The following NLGN1 variants were observed in gnomAD, a reference collection of about 807,000 sequenced individuals.
NLGN1 encodes neuroligin 1.
Under a neutral mutation model 65.5 loss-of-function variants are expected in NLGN1, and 12 were observed. The ratio of observed to expected loss-of-function variants is 0.18; its 90% CI spans 0.12 to 0.30. The LOEUF (loss-of-function observed/expected upper bound fraction) is 0.30. Ranked by LOEUF, NLGN1 falls within the 10% of genes least tolerant of loss-of-function variation. The pLI is 1.00. For synonymous variants in NLGN1, 350 were observed against 359.5 expected (o/e 0.97, Z 0.30); for missense variants, 750 against 1,007.1 (o/e 0.74, Z 3.46).
At chr3:173,639,494 T>C (rs1757081107) in intron 3 of NLGN1, among the ~76,000 whole-genome samples, 1 of 152,186 alleles carries the variant, frequency 6.6e-6, no homozygotes, top group South Asian at 2.1e-4. Flanking sequence ...CATCCAGTCA[T>C]AGGGAATAGC....
chr3:173,411,462 A>G (rs1482478361), intron 1 of NLGN1, among the ~76,000 whole-genome samples: 1 of 152,084 alleles, frequency 6.6e-6, no homozygotes. Context: ...AATCATGGCT[A>G]TGTAGGCCCC....
chr3:173,486,480 G>C (rs1728201125), intron 2 of NLGN1, among the ~76,000 whole-genome samples: 1 of 152,140 alleles, frequency 6.6e-6, no homozygotes, highest in Admixed American at 6.6e-5. Context: ...TATCAGTCTA[G>C]GGATTTGGAG....
In NLGN1 at chr3:174,255,349, G is replaced by C. The variant is rs555038648; in HGVS notation, c.647-19966G>C. Among the ~76,000 whole-genome samples the C allele has an allele frequency of 6.8e-5, 10 of 147,116 alleles. No homozygotes were observed. In the South Asian group the frequency reaches 2.2e-3, roughly 32 times the overall value. ...TACTCAGGAGGCTGAGGCAGGAGAA[G>C]GCCATGAACCTGGGAGGCGGAGCTT... is the stretch of plus-strand genomic sequence containing the variant. On this transcript the variant is annotated intron_variant, in intron 4 of 6. Coordinates refer to ENST00000457714, the Ensembl canonical transcript of NLGN1.
intron 3 of NLGN1, among the ~76,000 whole-genome samples, chr3:173,738,422 A>G (rs1045956639): frequency 2.0e-5 from 3 of 152,036 alleles, no homozygotes; most frequent in Admixed American, 6.6e-5. Flanking sequence ...AATTTTGTGC[A>G]TGGTGTGAGG....
intron 3 of NLGN1, among the ~76,000 whole-genome samples, chr3:173,614,092 T>G (rs1752700302): frequency 6.6e-6 from 1 of 151,982 alleles, no homozygotes; most frequent in African/African-American, 2.4e-5. Flanking sequence ...CATCTGCCTT[T>G]TCATCTTACA....
At chr3:174,169,433 T>C (rs367824910) in intron 4 of NLGN1, among the ~76,000 whole-genome samples, 1 of 151,852 alleles carries the variant, frequency 6.6e-6, no homozygotes, top group East Asian at 2.0e-4. Context: ...AGAGTCCCTC[T>C]GTACCAAGAT....
At chr3:174,045,330 CT>C (rs1414556565) in intron 4 of NLGN1, among the ~76,000 whole-genome samples, 1 of 152,180 alleles carries the variant, frequency 6.6e-6, no homozygotes, top group Admixed American at 6.5e-5. Context: ...ACATGTCCTT[CT>C]TCACATGACA....
chr3:173,444,233 C>G (rs1467648405), intron 2 of NLGN1, among the ~76,000 whole-genome samples: 2 of 152,152 alleles, frequency 1.3e-5, no homozygotes, highest in Non-Finnish European at 2.9e-5. Context: ...CATAAAATCA[C>G]TTTCATATTT....
At chr3:173,519,653 T>G (rs1734430400) in intron 2 of NLGN1, among the ~76,000 whole-genome samples, 1 of 152,240 alleles carries the variant, frequency 6.6e-6, no homozygotes. Flanking sequence ...TTCTCTCTTT[T>G]GGAATGGATT....
rs190605503 is a variant in NLGN1, at chr3:174,231,279, C to A, written c.647-44036C>A. The stretch of plus-strand genomic sequence containing the variant: ...GAGTCCCAGAAGCACAGGAAATTCG[C>A]CGAGACTCCGGGTGTGCCTGCTGGT... On this transcript the variant is annotated intron_variant, in intron 4 of 6. Transcript: ENST00000457714. Among the ~76,000 whole-genome samples, 575 of 152,230 alleles carry A rather than the reference C, an allele frequency of 3.8e-3. 1 individual carries two copies. Among genetic ancestry groups the A allele is most frequent in the Non-Finnish European group, 6.5e-3 (444 of 68,010 alleles).
rs115249764 is a variant in NLGN1 at position 173,688,886 on chromosome 3, G to A, written c.493+83795G>A. On this transcript the variant is annotated intron_variant, in intron 3 of 6. Coordinates refer to ENST00000457714, the Ensembl canonical transcript of NLGN1. ...TTAAAATGGTGCCAAGGAGTATTGG[G>A]GAAGGGAGTTACATATGAGACTGTC... is the stretch of plus-strand genomic sequence containing the variant. Among the ~76,000 whole-genome samples the A allele has an allele frequency of 8.0e-3, 1,217 of 152,260 alleles. 16 individuals carry two copies. Among genetic ancestry groups the A allele is most frequent in the African/African-American group, 0.028 (1,165 of 41,546 alleles).
intron 4 of NLGN1, among the ~76,000 whole-genome samples, chr3:174,178,706 A>G (rs1390744606): frequency 6.6e-6 from 1 of 152,050 alleles, no homozygotes; most frequent in East Asian, 1.9e-4. Flanking sequence ...TTTTTTTCCA[A>G]GATACATTAA....
intron 2 of NLGN1, among the ~76,000 whole-genome samples, chr3:173,546,313 G>C (rs1286383922): frequency 6.6e-6 from 1 of 152,032 alleles, no homozygotes; most frequent in South Asian, 2.1e-4. Context: ...ACTAATTTTT[G>C]TATCACATAT....
At chr3:173,828,303 A>T (rs1721775539) in intron 4 of NLGN1, among the ~76,000 whole-genome samples, 1 of 152,046 alleles carries the variant, frequency 6.6e-6, no homozygotes, top group Admixed American at 6.6e-5. Flanking sequence ...ATGTTTTTTC[A>T]TGACTTAAAC....
At chr3:173,464,401 A>G (rs1451566847) in intron 2 of NLGN1, among the ~76,000 whole-genome samples, 2 of 150,582 alleles carry the variant, frequency 1.3e-5, no homozygotes, top group Non-Finnish European at 3.0e-5. Context: ...AATCCACATT[A>G]TTCATCAAAC....
At chr3:173,919,112 G>C (rs1222827267) in intron 4 of NLGN1, among the ~76,000 whole-genome samples, 1 of 151,958 alleles carries the variant, frequency 6.6e-6, no homozygotes. Flanking sequence ...AGTCCACTTG[G>C]ATAATCCAGG....
chr3:174,250,898 C>G (rs1367376804), intron 4 of NLGN1, among the ~76,000 whole-genome samples: 3 of 152,022 alleles, frequency 2.0e-5, no homozygotes, highest in Admixed American at 1.3e-4. Context: ...TAAGAAAAAG[C>G]CTTTTTTGTT....
rs546887893 is a variant in NLGN1, at chr3:174,082,648, A to G, written c.647-192667A>G. 3.3e-5 allele frequency among the ~76,000 whole-genome samples: 5 copies of G among 152,092 alleles called. No individual in the cohort carries two copies. The South Asian group carries it at 1.0e-3, about 32-fold the overall frequency. The stretch of plus-strand genomic sequence containing the variant: ...TTGGAGCTTTGTTTTAAAAAGCAAT[A>G]CATTTTTAATAAGAAAATATATAAA... On this transcript the variant is annotated intron_variant, in intron 4 of 6. Coordinates refer to ENST00000457714, the Ensembl canonical transcript of NLGN1.
intron 3 of NLGN1, among the ~76,000 whole-genome samples, chr3:173,696,997 A>G (rs910165821): frequency 1.3e-5 from 2 of 152,220 alleles, no homozygotes; most frequent in Non-Finnish European, 2.9e-5. Context: ...TGATAGAGCC[A>G]TAGAGCAAGC....
Sources: gnomAD v4.1 joint callset for allele counts (sites outside exome capture counted in the v4.1 genomes callset) on GRCh38, gnomAD v4.1.1 for gene constraint, MANE v1.5 for transcripts, NCBI Gene and HGNC (gene_info 2026-07-23, HGNC 2026-07-21) for gene names.